The following SLC8A1 variants were observed in gnomAD, a reference collection of about 807,000 sequenced individuals.
SLC8A1 encodes solute carrier family 8 member A1, also known as sodium/calcium exchanger 1.
Under a neutral mutation model 68.3 loss-of-function variants are expected in SLC8A1, and 18 were observed. The observed-to-expected ratio is 0.26, with a 90% CI of 0.18 to 0.39. The LOEUF is 0.39. SLC8A1 is among the 10% of genes least tolerant of loss of function. The probability of loss-of-function intolerance (pLI) is 1.00; values close to 1 mark genes in which losing one functional copy is unlikely to be tolerated. For missense variants in SLC8A1, 985 were observed against 1,156.7 expected (o/e 0.85, Z 2.15); for synonymous variants, 475 against 415.5 (o/e 1.14, Z -1.74).
At chr2:40,498,494 G>C (rs941664883) in intron 1 of SLC8A1, among the ~76,000 whole-genome samples, 1 of 152,058 alleles carries the variant, frequency 6.6e-6, no homozygotes, top group African/African-American at 2.4e-5. Flanking sequence ...AAGCTTTAGG[G>C]ATCTAAAACC....
At chr2:40,276,345 G>C (rs556497337) in intron 2 of SLC8A1, among the ~76,000 whole-genome samples, 1 of 152,110 alleles carries the variant, frequency 6.6e-6, no homozygotes, top group Non-Finnish European at 1.5e-5. Flanking sequence ...ATGTGGTGAC[G>C]GACTGAGAAA....
At chr2:40,235,697 G>A (rs2060271624) in intron 2 of SLC8A1, among the ~76,000 whole-genome samples, 1 of 151,644 alleles carries the variant, frequency 6.6e-6, no homozygotes, top group Non-Finnish European at 1.5e-5. Flanking sequence ...ATGTTAGGGT[G>A]TCAATTTTGG....
At position 40,330,172 on chromosome 2, in the gene SLC8A1, G is replaced by A. The variant is rs1379419148; in HGVS notation, c.1808+98301C>T. Among the ~76,000 whole-genome samples the A allele has an allele frequency of 4.6e-5, 7 of 152,108 alleles. No individual in the cohort carries two copies. In the East Asian group the frequency reaches 9.6e-4, roughly 21 times the overall value. ...GGACTAATGGTTATTCCCAAGACCC[G>A]TTCTAACTTCTGATCATTAGAAGGT... On this transcript the variant is annotated intron_variant, in intron 2 of 7. Transcript: ENST00000406785.
chr2:40,375,390 G>A (rs767265662), intron 2 of SLC8A1, among the ~76,000 whole-genome samples: 7 of 151,994 alleles, frequency 4.6e-5, no homozygotes, highest in Non-Finnish European at 1.0e-4. Context: ...TCTGGAGCAG[G>A]GTGAATTTTC....
At chr2:40,490,420 C>G (rs1309300999) in intron 1 of SLC8A1, among the ~76,000 whole-genome samples, 3 of 152,018 alleles carry the variant, frequency 2.0e-5, no homozygotes, top group Admixed American at 2.0e-4. Flanking sequence ...TCCAACTTTT[C>G]CACTAATATA....
intron 1 of SLC8A1, among the ~76,000 whole-genome samples, chr2:40,487,337 C>A (rs1172017373): frequency 6.6e-6 from 1 of 152,076 alleles, no homozygotes; most frequent in Non-Finnish European, 1.5e-5. Context: ...ATCTAATGTG[C>A]ATTTTTCCTA....
intron 2 of SLC8A1, among the ~76,000 whole-genome samples, chr2:40,396,748 T>TAAAAAAA (rs368483768): frequency 0.011 from 976 of 86,792 alleles, 69 homozygotes; most frequent in African/African-American, 0.026. Context: ...CTCTAATAAC[T>TAAAAAAA]AAAAAAAAAA....
At chr2:40,315,343 C>T (rs916237317) in intron 2 of SLC8A1, among the ~76,000 whole-genome samples, 1 of 151,306 alleles carries the variant, frequency 6.6e-6, no homozygotes, top group African/African-American at 2.4e-5. Context: ...AATTGCAAAA[C>T]GTAATTTCTA....
At chr2:40,428,382 T>TA in intron 2 of SLC8A1, 91 bp downstream of exon 2, 2 of 1,414,952 alleles carry the variant, frequency 1.4e-6, no homozygotes, top group Non-Finnish European at 1.8e-6. Context: ...CTATTTAATT[T>TA]AAAAAATGAT....
intron 6 of SLC8A1, among the ~76,000 whole-genome samples, chr2:40,140,391 C>T (rs1330009998): frequency 1.3e-5 from 2 of 152,248 alleles, no homozygotes; most frequent in Non-Finnish European, 1.5e-5. Flanking sequence ...CTCGCTTCCT[C>T]TGTGATGCAC....
At chr2:40,506,067 G>A (rs1306986709) in intron 1 of SLC8A1, among the ~76,000 whole-genome samples, 1 of 150,112 alleles carries the variant, frequency 6.7e-6, no homozygotes, top group African/African-American at 2.4e-5. Context: ...TCTGGCACCT[G>A]AGATGGAGAC....
At chr2:40,461,614 C>T (rs1323786914) in intron 1 of SLC8A1, among the ~76,000 whole-genome samples, 1 of 152,160 alleles carries the variant, frequency 6.6e-6, no homozygotes, top group Non-Finnish European at 1.5e-5. Context: ...TATAAAGAGC[C>T]TCTTACTTCC....
intron 5 of SLC8A1, among the ~76,000 whole-genome samples, chr2:40,163,346 G>A (rs1423116398): frequency 6.6e-6 from 1 of 152,168 alleles, no homozygotes; most frequent in Non-Finnish European, 1.5e-5. Flanking sequence ...ATAAGGGAGA[G>A]AACACACAAT....
intron 4 of SLC8A1, 88 bp from the exon 8 acceptor site, chr2:40,165,072 A>T: frequency 6.4e-7 from 1 of 1,559,256 alleles, no homozygotes; most frequent in Non-Finnish European, 8.7e-7. Context: ...CCAAGGAGGA[A>T]GGAAGCCCTA....
chr2:40,376,098 T>G (rs764150684), intron 2 of SLC8A1, among the ~76,000 whole-genome samples: 4 of 152,146 alleles, frequency 2.6e-5, no homozygotes, highest in Non-Finnish European at 4.4e-5. Context: ...CTCTCAAACC[T>G]AAAATTTTCT....
At chr2:40,133,710 CCCA>C (rs1558476710) in intron 7 of SLC8A1, among the ~76,000 whole-genome samples, 2 of 57,804 alleles carry the variant, frequency 3.5e-5, no homozygotes, top group Non-Finnish European at 7.4e-5. Context: ...ATCCCCCCCC[CCCA>C]CCGACTCATC....
intron 2 of SLC8A1, among the ~76,000 whole-genome samples, chr2:40,370,203 G>A (rs1023382319): frequency 2.2e-4 from 33 of 152,236 alleles, no homozygotes; most frequent in African/African-American, 7.9e-4. Flanking sequence ...CATTGCGTGG[G>A]CAGGAGTGAT....
At chr2:40,392,232 AAGAAAG>A (rs1418279858) in intron 2 of SLC8A1, among the ~76,000 whole-genome samples, 28 of 150,398 alleles carry the variant, frequency 1.9e-4, no homozygotes, top group Non-Finnish European at 3.8e-4. Flanking sequence ...GAGAAAGAAA[AAGAAAG>A]AGAAAGGAAG....
chr2:40,258,227 G>C (rs1286409147), intron 2 of SLC8A1, among the ~76,000 whole-genome samples: 1 of 152,266 alleles, frequency 6.6e-6, no homozygotes, highest in South Asian at 2.1e-4. Context: ...CTCCAAGGTC[G>C]GATGTAGTGC....
Sources: allele counts gnomAD v4.1 joint callset (sites outside exome capture counted in the v4.1 genomes callset), GRCh38; gene constraint gnomAD v4.1.1; transcripts MANE v1.5; gene names NCBI Gene and HGNC (gene_info 2026-07-23, HGNC 2026-07-21).